Variants in GRK3 observed in about 807,000 individuals in gnomAD.
GRK3 encodes adrenergic, beta, receptor kinase 2.
A neutral mutation model predicts 95.7 loss-of-function variants in GRK3; 54 were observed. That is an observed-to-expected ratio of 0.56 (90% confidence interval 0.45 to 0.71). The LOEUF (loss-of-function observed/expected upper bound fraction) is 0.71. GRK3 is among the 30% of genes least tolerant of loss of function. GRK3 has a pLI of 0.00. For missense variants in GRK3, 649 were observed against 851.2 expected, an observed-to-expected ratio of 0.76 and a Z score of 2.96; for synonymous variants, 281 against 290.8, an observed-to-expected ratio of 0.97 and a Z score of 0.34.
At chr22:25,719,709 G>T (rs1259515545) in intron 19 of GRK3, among the ~76,000 whole-genome samples, 1 of 106,252 alleles carries the variant, frequency 9.4e-6, no homozygotes, top group East Asian at 3.4e-4. Flanking sequence ...TGGGGGGGGG[G>T]CCTGGTGAGT....
chr22:25,700,627 G>A (rs1792237082), intron 13 of GRK3, among the ~76,000 whole-genome samples: 2 of 152,148 alleles, frequency 1.3e-5, no homozygotes, highest in South Asian at 2.1e-4. Context: ...TCGCTCTATT[G>A]CCCAGGCTGG....
At chr22:25,580,089 CT>C (rs1393681670) in intron 1 of GRK3, among the ~76,000 whole-genome samples, 1 of 152,094 alleles carries the variant, frequency 6.6e-6, no homozygotes, top group Non-Finnish European at 1.5e-5. Context: ...ATGATCAAGC[CT>C]TTTGAGGTAA....
intron 14 of GRK3, among the ~76,000 whole-genome samples, 187 bp from the exon 15 acceptor site, chr22:25,703,922 C>T (rs1004943757): frequency 6.6e-6 from 1 of 152,140 alleles, no homozygotes; most frequent in Non-Finnish European, 1.5e-5. Context: ...TCTGATCTGC[C>T]CCCAGCCTCA....
chr22:25,604,381 C>T lies in GRK3; in HGVS notation c.118C>T (p.Arg40Trp). The change falls in exon 2 of 21, where the codon CGG becomes TGG. Residue 40 changes from arginine (R) to tryptophan (W), a missense_variant. By Grantham distance (101) the Arg-to-Trp change is moderately radical. Around this residue, in one of 3 missense-constraint regions of GRK3, gnomAD observed 206 missense variants for 231.4 expected, o/e 0.89. Coordinates refer to ENST00000324198, the MANE Select transcript of GRK3 (RefSeq NM_005160.4). ...TGTGTCACTCTTCCCTTCCAGTATC[C>T]GGAGTGTGATGCAGAAGTACCTTGC... The part of the protein sequence containing the change: ...KRIVLPEPSI[R>W]SVMQKYLAER... 4.4e-6 allele frequency: 7 copies of T among 1,608,324 alleles called. No homozygotes were observed. Among genetic ancestry groups the T allele is most frequent in the South Asian group, 1.1e-5 (1 of 90,272 alleles).
intron 19 of GRK3, among the ~76,000 whole-genome samples, chr22:25,719,183 G>A (rs997157034): frequency 6.6e-6 from 1 of 150,980 alleles, no homozygotes; most frequent in Non-Finnish European, 1.5e-5. Flanking sequence ...GTTTATCTGA[G>A]GTCAAGTGCT....
chr22:25,566,907 T>TTTGGG (rs1555913827), intron 1 of GRK3, among the ~76,000 whole-genome samples: 1 of 149,188 alleles, frequency 6.7e-6, no homozygotes, highest in African/African-American at 2.5e-5. Flanking sequence ...GTTTTTTTTT[T>TTTGGG]GGGGGGGGCT....
chr22:25,694,469 A>G lies in GRK3; in HGVS notation c.1053-638A>G, dbSNP rs556941532. On this transcript the variant is annotated intron_variant, in intron 12 of 20. Transcript: ENST00000324198. ...GTTGTCCTCCTAAGTGATTTTTCTC[A>G]ACTTCCTGAAAATCATCTTCACATT... Among the ~76,000 whole-genome samples the G allele has an allele frequency of 2.6e-5, 4 of 152,256 alleles. No homozygotes were observed. The South Asian group carries it at 8.3e-4, about 32-fold the overall frequency.
chr22:25,682,812 T>C (rs1008013953), intron 9 of GRK3, among the ~76,000 whole-genome samples: 3 of 152,212 alleles, frequency 2.0e-5, no homozygotes, highest in African/African-American at 7.2e-5. Flanking sequence ...ATTCTAGAAA[T>C]CTCTTTGTGC....
chr22:25,712,741 G>A (rs1434092175), intron 17 of GRK3, among the ~76,000 whole-genome samples: 3 of 152,234 alleles, frequency 2.0e-5, no homozygotes, highest in Admixed American at 2.0e-4. Flanking sequence ...GAGGTGGCCT[G>A]CTGAAGGCTA....
At chr22:25,671,602 C>G (rs965865410) in intron 6 of GRK3, among the ~76,000 whole-genome samples, 35 of 152,188 alleles carry the variant, frequency 2.3e-4, no homozygotes, top group Admixed American at 2.3e-3. Context: ...CTCTCCCACT[C>G]TGTCACTGTG....
chr22:25,606,054 C>G lies in GRK3; in HGVS notation c.190+1601C>G, dbSNP rs1018088444. ...ATACAGCCCCCCAAACATGTATTTT[C>G]CATAGCCTGGATTAAAACCTTAACT... On this transcript the variant is annotated intron_variant, in intron 2 of 20. Coordinates refer to ENST00000324198, the MANE Select transcript of GRK3 (RefSeq NM_005160.4). Among the ~76,000 whole-genome samples, 4 of 152,228 alleles carry G rather than the reference C, an allele frequency of 2.6e-5. No individual in the cohort carries two copies. The East Asian group carries it at 7.7e-4, about 29-fold the overall frequency.
chr22:25,663,778 T>C, intron 5 of GRK3, 74 bp downstream of exon 5: 1 of 1,049,816 alleles, frequency 9.5e-7, no homozygotes, highest in South Asian at 1.3e-5. Flanking sequence ...TCTTTTTGCA[T>C]GTGCAATTAC....
rs796151831 is a variant in GRK3, at chr22:25,604,514, T to C, written c.190+61T>C. ...TTAGTGATGAAATTGGGCGATACTA[T>C]AGTAATATATGAATGCACCCCCTAG... On this transcript the variant is annotated intron_variant, in intron 2 of 20. Coordinates refer to ENST00000324198, the MANE Select transcript of GRK3 (RefSeq NM_005160.4). 5.9e-6 allele frequency: 7 copies of C among 1,186,334 alleles called. No homozygotes were observed. In the African/African-American group the frequency reaches 1.1e-4, roughly 18 times the overall value. The allele number at this position is 1,186,334 out of a possible 1,614,324, so 73.5% of individuals were successfully genotyped here.
Position 25,647,888 on chromosome 22 carries a change from A to T in GRK3, c.264+3223A>T, listed in dbSNP as rs1182624787. ...CACTTTGGGAGGCCGAGTTGGGCGG[A>T]TCACCTGAGGTCAGGAGTTCGAGAC... is the stretch of plus-strand genomic sequence containing the variant. On this transcript the variant is annotated intron_variant, in intron 3 of 20. Coordinates refer to ENST00000324198, the MANE Select transcript of GRK3 (RefSeq NM_005160.4). 8.1e-6 allele frequency: 5 copies of T among 614,144 alleles called. No individual in the cohort carries two copies. The Admixed American group carries it at 8.7e-5, about 11-fold the overall frequency. 38.0% of individuals were successfully genotyped at this position (614,144 alleles called of 1,614,324 possible).
intron 8 of GRK3, among the ~76,000 whole-genome samples, chr22:25,677,643 A>G (rs2085042300): frequency 6.6e-6 from 1 of 152,242 alleles, no homozygotes; most frequent in African/African-American, 2.4e-5. Context: ...TCTTGTTTTT[A>G]TATAACTTAA....
chr22:25,585,022 A>G lies in GRK3; in HGVS notation c.114-19355A>G, dbSNP rs1932247381. On this transcript the variant is annotated intron_variant, in intron 1 of 20. Coordinates refer to ENST00000324198, the MANE Select transcript of GRK3 (RefSeq NM_005160.4). ...TTCTTCCCAGGTAATCCTAAAGTCT[A>G]GGTAAAGTGGAGAACCACTGGCCTG... Among the ~76,000 whole-genome samples the G allele has an allele frequency of 3.3e-5, 5 of 152,396 alleles. No homozygotes were observed. In the South Asian group the frequency reaches 1.0e-3, roughly 32 times the overall value.
At chr22:25,711,230 A>C in intron 17 of GRK3, 67 bp downstream of exon 17, 1 of 1,085,658 alleles carries the variant, frequency 9.2e-7, no homozygotes, top group Non-Finnish European at 1.3e-6. Context: ...TGGAAATCAA[A>C]CTTAGTGGTT....
intron 2 of GRK3, among the ~76,000 whole-genome samples, chr22:25,630,247 G>C (rs982900087): frequency 2.0e-5 from 3 of 152,130 alleles, no homozygotes; most frequent in East Asian, 1.9e-4. Context: ...GTCCGGAGAG[G>C]TGGATAGATG....
At chr22:25,597,483 T>G (rs1419561121) in intron 1 of GRK3, among the ~76,000 whole-genome samples, 3 of 152,166 alleles carry the variant, frequency 2.0e-5, no homozygotes, top group Admixed American at 2.0e-4. Flanking sequence ...ATGTTTGAGA[T>G]AATGGGTATG....
Sources: gnomAD v4.1 joint callset for allele counts (sites outside exome capture counted in the v4.1 genomes callset) on GRCh38, gnomAD v4.1.1 for gene constraint, gnomAD v4.1.1 regional missense constraint, MANE v1.5 for transcripts, NCBI Gene and HGNC (gene_info 2026-07-23, HGNC 2026-07-21) for gene names.